The following RAB37 variants were observed in gnomAD, a reference collection of about 807,000 sequenced individuals.
RAB37 encodes ras-related protein Rab-37.
A neutral mutation model predicts 33.1 loss-of-function variants in RAB37; 29 were observed. The ratio of observed to expected loss-of-function variants is 0.88; its 90% CI spans 0.65 to 1.20. The LOEUF (loss-of-function observed/expected upper bound fraction) is 1.20, where lower values mean the gene tolerates loss of function less well. Ranked by LOEUF, RAB37 falls within the 50% of genes most tolerant of loss-of-function variation. The pLI is 0.00. For missense variants in RAB37, 299 were observed against 301.1 expected (o/e 0.99, Z 0.05); for synonymous variants, 128 against 119.5 (o/e 1.07, Z -0.47).
chr17:74,713,647 G>A (rs2034101323), intron 1 of RAB37, among the ~76,000 whole-genome samples: 2 of 151,966 alleles, frequency 1.3e-5, no homozygotes, highest in Admixed American at 6.6e-5. Context: ...CAGATGCTTG[G>A]GAGCCCAGAA....
In RAB37 at chr17:74,676,042, A is replaced by G. The variant is rs2031825671; in HGVS notation, c.72+4384A>G. 6.6e-6 allele frequency among the ~76,000 whole-genome samples: 1 copy of G among 152,196 alleles called. No homozygotes were observed. The highest frequency in any genetic ancestry group is 1.5e-5 in the Non-Finnish European group (1 of 68,042). On this transcript the variant is annotated intron_variant, in intron 1 of 7. Coordinates refer to the RAB37 transcript ENST00000340415. The surrounding 1 kb of genome is among the most constrained non-coding windows in gnomAD (Gnocchi z 4.1). ...TCAGTTCTCTCTTGCCACCAGCTTC[A>G]AGAGCCATCCAGGGCAATGGTCTGG... is the stretch of plus-strand genomic sequence containing the variant.
intron 1 of RAB37, among the ~76,000 whole-genome samples, chr17:74,673,551 T>C (rs1207793286): frequency 6.6e-6 from 1 of 151,638 alleles, no homozygotes; most frequent in Non-Finnish European, 1.5e-5. Context: ...TTGAAAGCTT[T>C]AAGATTGGGA....
chr17:74,724,779 G>A (rs2034285904), intron 1 of RAB37, among the ~76,000 whole-genome samples: 1 of 152,160 alleles, frequency 6.6e-6, no homozygotes, highest in African/African-American at 2.4e-5. Context: ...GACCAGTTAG[G>A]GTGGGGCAGA....
intron 1 of RAB37, among the ~76,000 whole-genome samples, chr17:74,717,483 G>C (rs1046130577): frequency 1.8e-4 from 27 of 152,170 alleles, no homozygotes; most frequent in African/African-American, 6.5e-4. Flanking sequence ...GAGTAACTAG[G>C]TCTCCTGAAT....
At chr17:74,719,846 A>C (rs754742117) in intron 1 of RAB37, among the ~76,000 whole-genome samples, 2 of 152,220 alleles carry the variant, frequency 1.3e-5, no homozygotes, top group Non-Finnish European at 1.5e-5. Flanking sequence ...ATTTTTTAAA[A>C]CATAGAAAAA....
chr17:74,675,177 A>G (rs2031799328), intron 1 of RAB37, among the ~76,000 whole-genome samples: 1 of 152,114 alleles, frequency 6.6e-6, no homozygotes, highest in African/African-American at 2.4e-5. Flanking sequence ...GGCTGGGCGC[A>G]GTGGCTCCCA....
chr17:74,727,774 T>A (rs1309494013), intron 1 of RAB37, among the ~76,000 whole-genome samples: 1 of 152,200 alleles, frequency 6.6e-6, no homozygotes, highest in Non-Finnish European at 1.5e-5. Context: ...GTGACTTCAA[T>A]AGAAAATCGA....
chr17:74,695,960 G>T, intron 1 of RAB37: 1 of 1,410,742 alleles, frequency 7.1e-7, no homozygotes, highest in Non-Finnish European at 9.7e-7. Context: ...ACTTCCCCAG[G>T]TGCCCCTCTC....
chr17:74,707,383 A>G (rs945803271), intron 1 of RAB37, among the ~76,000 whole-genome samples: 4 of 152,218 alleles, frequency 2.6e-5, no homozygotes, highest in African/African-American at 9.7e-5. Context: ...TCTATTTTTA[A>G]ATGCTCAACA....
intron 1 of RAB37, among the ~76,000 whole-genome samples, chr17:74,686,937 G>A (rs1311417857): frequency 6.6e-6 from 1 of 152,232 alleles, no homozygotes; most frequent in Admixed American, 6.5e-5. Flanking sequence ...ATCAGGGCCT[G>A]TGACCTGTTG....
intron 1 of RAB37, chr17:74,698,589 G>T: frequency 6.6e-7 from 1 of 1,512,574 alleles, no homozygotes. Flanking sequence ...ATGAGCTGCA[G>T]GTCTGTAGTT....
At chr17:74,674,782 G>A (rs1287867980) in intron 1 of RAB37, among the ~76,000 whole-genome samples, 1 of 152,210 alleles carries the variant, frequency 6.6e-6, no homozygotes, top group East Asian at 1.9e-4. Flanking sequence ...TCACTATCAA[G>A]AGAAAGAAAT....
At chr17:74,681,390 C>G (rs901982879) in intron 1 of RAB37, among the ~76,000 whole-genome samples, 1 of 152,212 alleles carries the variant, frequency 6.6e-6, no homozygotes, top group African/African-American at 2.4e-5. Flanking sequence ...CCTTCAAGCC[C>G]ATGTCCAAGA....
chr17:74,706,280 AAAAT>A (rs1567795555), intron 1 of RAB37, among the ~76,000 whole-genome samples: 2 of 148,688 alleles, frequency 1.3e-5, no homozygotes, highest in African/African-American at 2.5e-5. Flanking sequence ...AAGGAAAAAA[AAAAT>A]ATATATATAT....
At chr17:74,674,902 C>T (rs1360539327) in intron 1 of RAB37, among the ~76,000 whole-genome samples, 6 of 152,102 alleles carry the variant, frequency 3.9e-5, no homozygotes. Context: ...GTTTTGACAG[C>T]ACAGCAGATG....
chr17:74,718,360 A>ATATCATATCATATCT (rs908767476), intron 1 of RAB37, among the ~76,000 whole-genome samples: 5 of 136,876 alleles, frequency 3.7e-5, no homozygotes, highest in African/African-American at 1.3e-4. Flanking sequence ...ATATCATATC[A>ATATCATATCATATCT]TATCCACCCA....
At chr17:74,688,800 G>A (rs2032103758) in intron 1 of RAB37, among the ~76,000 whole-genome samples, 1 of 152,108 alleles carries the variant, frequency 6.6e-6, no homozygotes, top group South Asian at 2.1e-4. Context: ...GCAATCAGGT[G>A]GCTTCATAAG....
chr17:74,739,942 A>T lies in RAB37; in HGVS notation c.94-826A>T, dbSNP rs564391838. 4.0e-3 allele frequency among the ~76,000 whole-genome samples: 600 copies of T among 151,686 alleles called. 2 individuals carry two copies. The highest frequency in any genetic ancestry group is 6.6e-3 in the Non-Finnish European group (448 of 67,682). On this transcript the variant is annotated intron_variant, in intron 1 of 8. Transcript: ENST00000392613. ...GAGGCTGAGGCGGGCGGATCACCTG[A>T]GGTCGGGAGTTCAAGACCAGCCTGG...
At position 74,744,343 on chromosome 17, in the gene RAB37, G is replaced by A; in HGVS notation, c.402G>A (p.Arg134=). 1 of 1,614,132 alleles carries A rather than the reference G, an allele frequency of 6.2e-7. No individual in the cohort carries two copies. The highest frequency in any genetic ancestry group is 8.5e-7 in the Non-Finnish European group (1 of 1,180,012). The change falls in exon 6 of 9, where the codon AGG becomes AGA. Residue 134 remains arginine, a synonymous_variant. Coordinates refer to ENST00000392613, the MANE Select transcript of RAB37 (RefSeq NM_001006638.3). This position sits in a 1 kb window ranked among gnomAD's most constrained non-coding sequence, Gnocchi z 4.2. The part of the protein sequence containing the change: ...WLTEIHEYAQ[R]DVVIMLLGNK... ...CTGAGATTCATGAGTATGCCCAGAG[G>A]GACGTGGTGATCATGCTGCTAGGCA...
Sources: gnomAD v4.1 joint callset for allele counts (sites outside exome capture counted in the v4.1 genomes callset) on GRCh38, gnomAD v4.1.1 for gene constraint, Gnocchi (gnomAD v3.1) non-coding constraint, MANE v1.5 for transcripts, NCBI Gene and HGNC (gene_info 2026-07-23, HGNC 2026-07-21) for gene names.